Variants in NEU3 observed in about 807,000 individuals in gnomAD.
The protein encoded by NEU3 is sialidase-3.
In NEU3, 10 loss-of-function variants were observed where a neutral mutation model predicts 11.4. That is an observed-to-expected ratio of 0.88 (90% CI 0.54 to 1.49). NEU3 has a LOEUF of 1.49. NEU3 is among the 40% of genes most tolerant of loss of function. NEU3 has a pLI of 0.00. For missense variants in NEU3, 529 were observed against 581.8 expected, an observed-to-expected ratio of 0.91 and a Z score of 0.93; for synonymous variants, 212 against 228.2, an observed-to-expected ratio of 0.93 and a Z score of 0.64.
At chr11:74,990,519 G>C (rs144028923) in intron 1 of NEU3, among the ~76,000 whole-genome samples, 3,756 of 152,114 alleles carry the variant, frequency 0.025, 161 homozygotes, top group African/African-American at 0.086. Flanking sequence ...ACCATGCCTG[G>C]CCAATTTTTT....
chr11:75,004,427 A>G (rs149743041), intron 2 of NEU3: 4 of 487,630 alleles, frequency 8.2e-6, no homozygotes, highest in Non-Finnish European at 1.4e-5. Context: ...TTTAATTTGC[A>G]TTTCTCTCTT....
At chr11:75,016,442 G>A (rs1373076044) in intron 3 of NEU3, among the ~76,000 whole-genome samples, 1 of 152,018 alleles carries the variant, frequency 6.6e-6, no homozygotes, top group African/African-American at 2.4e-5. Flanking sequence ...CAAAGCTCAG[G>A]TTTCTGTTTT....
chr11:75,006,062 T>G lies in NEU3; in HGVS notation c.956T>G (p.Phe319Cys). 1.2e-6 allele frequency: 2 copies of G among 1,613,978 alleles called. No individual in the cohort carries two copies. The highest frequency in any genetic ancestry group is 1.7e-6 in the Non-Finnish European group (2 of 1,179,890). ...PHGCQGSVVS[F>C]RPLEIPHRCQ... is the part of the protein sequence containing the mutation. Reference sequence around the variant, plus strand: ...GGTTGCCAAGGGAGTGTGGTAAGTTTCCGGCCCCTGGAGATCCCACATAGG... The same window carrying G: ...GGTTGCCAAGGGAGTGTGGTAAGTTGCCGGCCCCTGGAGATCCCACATAGG... Residue 319 changes from phenylalanine to cysteine, a missense_variant, in exon 3 of 3, where the codon TTC becomes TGC. By Grantham distance (205) the Phe-to-Cys change is radical. Coordinates refer to ENST00000294064, the MANE Select transcript of NEU3 (RefSeq NM_006656.6).
chr11:74,990,105 G>A, intron 1 of NEU3: 4 of 667,548 alleles, frequency 6.0e-6, no homozygotes, highest in South Asian at 3.2e-5. Context: ...GAAATTGTGA[G>A]GACATCAAAA....
At chr11:75,012,310 T>G (rs1948961157), downstream of NEU3, among the ~76,000 whole-genome samples, 1 of 152,192 alleles carries the variant, frequency 6.6e-6, no homozygotes, top group Non-Finnish European at 1.5e-5. Context: ...GTTGAAACCT[T>G]CCTCAATGAA....
chr11:75,014,575 T>C (rs1270429915), downstream of NEU3, among the ~76,000 whole-genome samples: 1 of 152,180 alleles, frequency 6.6e-6, no homozygotes, highest in African/African-American at 2.4e-5. Context: ...TATAGGTTTT[T>C]CATCTGTAAA....
rs764687850 is a variant in NEU3, at chr11:74,989,027, C to G, written c.-34C>G. The G allele has an allele frequency of 2.2e-5, 33 of 1,508,284 alleles. No homozygotes were observed. In the Admixed American group the frequency reaches 5.3e-4, roughly 24 times the overall value. 93.4% of individuals were successfully genotyped at this position (1,508,284 alleles called of 1,614,324 possible). A position where few individuals can be genotyped will look rare whatever the true frequency, so the allele number is the denominator to read the frequency against. ...TCCTCCTCTGTCTCAGTCTCCCCAG[C>G]CTTGGGGCCGGTGCCTCTTCCGGGC... On this transcript the variant is annotated 5_prime_UTR_variant, in exon 1 of 3. Transcript: ENST00000294064.
At chr11:75,019,413 G>C (rs1372707971), downstream of NEU3, among the ~76,000 whole-genome samples, 1 of 152,216 alleles carries the variant, frequency 6.6e-6, no homozygotes, top group Non-Finnish European at 1.5e-5. Context: ...TGCAGCCTAG[G>C]GACTTGGTGT....
In NEU3 at chr11:75,004,432, T is replaced by C. The variant is rs1591760447; in HGVS notation, c.307-981T>C. 3 of 490,658 alleles carry C rather than the reference T, an allele frequency of 6.1e-6. No homozygotes were observed. In the East Asian group the frequency reaches 1.0e-4, roughly 17 times the overall value. The allele number at this position is 490,658 out of a possible 1,614,324, so 30.4% of individuals were successfully genotyped here. A position where few individuals can be genotyped will look rare whatever the true frequency, so the allele number is the denominator to read the frequency against. ...TCAGTTTCGTTTTAATTTGCATTTC[T>C]CTCTTATGAGTGAAGCTGAACTTTT... On this transcript the variant is annotated intron_variant, in intron 2 of 2. Transcript: ENST00000294064.
chr11:75,012,561 T>TAA (rs1257762943), downstream of NEU3, among the ~76,000 whole-genome samples: 1 of 152,196 alleles, frequency 6.6e-6, no homozygotes, highest in Admixed American at 6.5e-5. Flanking sequence ...AGTAGAGTAT[T>TAA]AAACCTTTTG....
In NEU3 at chr11:74,989,132, G is replaced by A; in HGVS notation, c.72G>A (p.Thr24=). ...SPASSSAPTE[T]EEPGSSAEVM... The stretch of plus-strand genomic sequence containing the variant: ...CGTCCAGCTCTGCCCCGACAGAGAC[G>A]GAGGAGCCGGGGTCCAGTGCAGGTG... The change falls in exon 1 of 3, where the codon ACG becomes ACA. Residue 24 remains threonine (T), a synonymous_variant. Transcript: ENST00000294064. 1 of 1,551,176 alleles carries A rather than the reference G, an allele frequency of 6.4e-7. No individual in the cohort carries two copies. Among genetic ancestry groups the A allele is most frequent in the African/African-American group, 1.4e-5 (1 of 73,150 alleles).
rs369776172 is a variant in NEU3 at position 75,005,849 on chromosome 11, G to T, written c.743G>T (p.Gly248Val). Residue 248 changes from glycine to valine, a missense_variant, in exon 3 of 3, where the codon GGT becomes GTT. Gly to Val is a moderately radical substitution (Grantham distance 109, BLOSUM62 -3). Coordinates refer to ENST00000294064, the MANE Select transcript of NEU3 (RefSeq NM_006656.6). Reference sequence around the variant, plus strand: ...GACCTAGGGGTCACATGGCACCATGGTAGACTCATTAGGCCCATGGTTACA... The same window carrying T: ...GACCTAGGGGTCACATGGCACCATGTTAGACTCATTAGGCCCATGGTTACA... Reference protein sequence around the residue: ...SDDLGVTWHHGRLIRPMVTVE... With the variant: ...SDDLGVTWHHVRLIRPMVTVE... The T allele has an allele frequency of 1.2e-6, 2 of 1,613,844 alleles. No individual in the cohort carries two copies. Among genetic ancestry groups the T allele is most frequent in the Non-Finnish European group, 1.7e-6 (2 of 1,179,898 alleles).
At position 75,007,831 on chromosome 11, in the gene NEU3, T is replaced by G. The variant is rs528218525; in HGVS notation, c.*1339T>G. On this transcript the variant is annotated 3_prime_UTR_variant, in exon 3 of 3. Transcript: ENST00000294064. The stretch of plus-strand genomic sequence containing the variant: ...CTATCATGAGAGATTTATTTTTTTG[T>G]CCCTATTTTAGGAGTCTAATGCTTA... The G allele has an allele frequency of 6.6e-6, 1 of 152,304 alleles. No homozygotes were observed. Among genetic ancestry groups the G allele is most frequent in the African/African-American group, 2.4e-5 (1 of 41,554 alleles). The allele number at this position is 152,304 out of a possible 1,614,324, so 9.4% of individuals were successfully genotyped here.
intron 3 of NEU3, among the ~76,000 whole-genome samples, chr11:75,016,985 A>G (rs949247596): frequency 6.6e-6 from 1 of 152,238 alleles, no homozygotes; most frequent in African/African-American, 2.4e-5. Context: ...CATCCGACCT[A>G]GAGCCCTGAA....
Position 75,006,423 on chromosome 11 carries a change from G to A in NEU3, c.1317G>A (p.Glu439=). 1.2e-6 allele frequency: 2 copies of A among 1,613,998 alleles called. No individual in the cohort carries two copies. Among genetic ancestry groups the A allele is most frequent in the Non-Finnish European group, 1.7e-6 (2 of 1,179,884 alleles). The change falls in exon 3 of 3, where the codon GAG becomes GAA. Residue 439 remains glutamate, a synonymous_variant. Transcript: ENST00000294064. ...CCTTCCGCCTGTTTACACACCGGGA[G>A]ATCCTGAGTCACCTGCAGGGGGACT... ...QIAFRLFTHR[E]ILSHLQGDCT...
chr11:74,994,664 G>A lies in NEU3; in HGVS notation c.250G>A (p.Glu84Lys). The change falls in exon 2 of 3, where the codon GAG (glutamate) becomes AAG (lysine). Residue 84 changes from glutamate to lysine, a missense_variant. Coordinates refer to ENST00000294064, the MANE Select transcript of NEU3 (RefSeq NM_006656.6). ...AGAGAAGCGTTCTACGAGGAGAGATGAGGATGCTCTCCACCTGGTGCTGAG... is the reference window on the plus strand; with the variant it reads ...AGAGAAGCGTTCTACGAGGAGAGATAAGGATGCTCTCCACCTGGTGCTGAG... ...FAEKRSTRRD[E>K]DALHLVLRRG... 1 of 1,614,008 alleles carries A rather than the reference G, an allele frequency of 6.2e-7. No homozygotes were observed. Among genetic ancestry groups the A allele is most frequent in the Non-Finnish European group, 8.5e-7 (1 of 1,179,878 alleles).
At chr11:74,992,075 G>T (rs1231772997) in intron 1 of NEU3, among the ~76,000 whole-genome samples, 1 of 152,194 alleles carries the variant, frequency 6.6e-6, no homozygotes, top group East Asian at 1.9e-4. Context: ...CTTCCTGATT[G>T]GATGATGTTT....
At chr11:74,985,239 A>G (rs1305133616), upstream of NEU3, among the ~76,000 whole-genome samples, 1 of 152,232 alleles carries the variant, frequency 6.6e-6, no homozygotes, top group Non-Finnish European at 1.5e-5. Flanking sequence ...AGGCTTAAAG[A>G]ATAATAAGAT....
chr11:75,015,518 C>T (rs1298279300), downstream of NEU3, among the ~76,000 whole-genome samples: 1 of 152,192 alleles, frequency 6.6e-6, no homozygotes, highest in African/African-American at 2.4e-5. Context: ...GCCCCTCAAG[C>T]TTCCCCCTCC....
Sources: allele counts gnomAD v4.1 joint callset (sites outside exome capture counted in the v4.1 genomes callset), GRCh38; gene constraint gnomAD v4.1.1; transcripts MANE v1.5; gene names NCBI Gene and HGNC (gene_info 2026-07-23, HGNC 2026-07-21).